PCDHGB3: variants seen among roughly 807,000 people sequenced by gnomAD.
The protein encoded by PCDHGB3 is protocadherin gamma subfamily B, 3, also known as protocadherin gamma-B3.
Under a neutral mutation model 59.2 loss-of-function variants are expected in PCDHGB3, and 40 were observed. The observed-to-expected ratio is 0.68, with a 90% CI of 0.52 to 0.88. PCDHGB3 has a LOEUF of 0.88. Ranked by LOEUF, PCDHGB3 falls within the 40% of genes least tolerant of loss-of-function variation. The pLI, the probability that PCDHGB3 is intolerant of heterozygous loss-of-function variation, is 0.00. For synonymous variants in PCDHGB3, 581 were observed against 503.6 expected, an observed-to-expected ratio of 1.15 and a Z score of -2.06; for missense variants, 1,309 against 1,187.9, an observed-to-expected ratio of 1.10 and a Z score of -1.50.
chr5:141,374,065 AG>A, intron 1 of PCDHGB3: 1 of 1,497,724 alleles, frequency 6.7e-7, no homozygotes, highest in Non-Finnish European at 8.9e-7. Context: ...ATCCCAGAGA[AG>A]TTCCTAATAA....
Position 141,376,335 on chromosome 5 carries a change from A to G in PCDHGB3, c.2415+3526A>G, listed in dbSNP as rs754863044. On this transcript the variant is annotated intron_variant, in intron 1 of 3. Coordinates refer to ENST00000576222, the MANE Select transcript of PCDHGB3 (RefSeq NM_018924.5). ...GTGGAAGGGGTTCGGGCTTTCCTGCAGACCTATTCCCACGAGGTCTCACTC... is the reference window on the plus strand; with the variant it reads ...GTGGAAGGGGTTCGGGCTTTCCTGCGGACCTATTCCCACGAGGTCTCACTC... 9 of 1,614,080 alleles carry G rather than the reference A, an allele frequency of 5.6e-6. No individual in the cohort carries two copies. The East Asian group carries it at 6.7e-5, about 12-fold the overall frequency.
At chr5:141,468,402 T>A (rs2154569909) in intron 1 of PCDHGB3, 1 of 150,014 alleles carries the variant, frequency 6.7e-6, no homozygotes, top group East Asian at 2.0e-4. Context: ...TGGTGAGAAC[T>A]AATAATAAGT....
Position 141,487,623 on chromosome 5 carries a change from CT to C in PCDHGB3, c.2416-7181del. 1 of 1,614,206 alleles carries C rather than the reference CT, an allele frequency of 6.2e-7. No homozygotes were observed. Among genetic ancestry groups the C allele is most frequent in the Non-Finnish European group, 8.5e-7 (1 of 1,180,044 alleles). On this transcript the variant is annotated intron_variant, in intron 1 of 3. Transcript: ENST00000576222. This position sits in a 1 kb window ranked among gnomAD's most constrained non-coding sequence, Gnocchi z 5.0. ...CTTCTCTATGGGCTAGAGGTGAGAC[CT>C]TTGCAGGCTCAACAAATGCTTGAGG...
intron 1 of PCDHGB3, chr5:141,400,435 A>G (rs2094019562): frequency 6.2e-7 from 1 of 1,614,078 alleles, no homozygotes. Flanking sequence ...TGAGCAATTG[A>G]GTTCAGGACA....
chr5:141,491,080 A>T lies in PCDHGB3; in HGVS notation c.2416-3727A>T. On this transcript the variant is annotated intron_variant, in intron 1 of 3. Transcript: ENST00000576222. This position sits in a 1 kb window ranked among gnomAD's most constrained non-coding sequence, Gnocchi z 6.9. ...CTCCTACTCACTGTTGCCACAGTCC[A>T]CAGCCCCAGGACTGTTCCTCGTGTC... The T allele has an allele frequency of 6.2e-7, 1 of 1,614,116 alleles. No individual in the cohort carries two copies. Among genetic ancestry groups the T allele is most frequent in the Non-Finnish European group, 8.5e-7 (1 of 1,179,994 alleles).
chr5:141,511,361 G>C lies in PCDHGB3; in HGVS notation c.*188G>C, dbSNP rs2099883750. 7.4e-7 allele frequency: 1 copy of C among 1,345,388 alleles called. No individual in the cohort carries two copies. Among genetic ancestry groups the C allele is most frequent in the Non-Finnish European group, 9.9e-7 (1 of 1,006,550 alleles). The allele number at this position is 1,345,388 out of a possible 1,614,324, so 83.3% of individuals were successfully genotyped here. On this transcript the variant is annotated 3_prime_UTR_variant, in exon 4 of 4. Transcript: ENST00000576222. ...CCTACCCCTTCCCCCCCAGGGGGTTGAATATGCAAAAGCAGTTCCGCTGGG... is the reference window on the plus strand; with the variant it reads ...CCTACCCCTTCCCCCCCAGGGGGTTCAATATGCAAAAGCAGTTCCGCTGGG...
chr5:141,430,315 T>C (rs185896854), intron 1 of PCDHGB3, among the ~76,000 whole-genome samples: 58 of 151,980 alleles, frequency 3.8e-4, no homozygotes, highest in African/African-American at 1.3e-3. Context: ...CATTATAAGA[T>C]TAAAATCATT....
intron 1 of PCDHGB3, chr5:141,374,262 C>T (rs369097101): frequency 6.2e-7 from 1 of 1,613,942 alleles, no homozygotes; most frequent in Non-Finnish European, 8.5e-7. Flanking sequence ...CAGGAGTTGG[C>T]GGAGCACGGA....
At chr5:141,464,228 G>A (rs1196103285) in intron 1 of PCDHGB3, among the ~76,000 whole-genome samples, 1 of 148,156 alleles carries the variant, frequency 6.7e-6, no homozygotes, top group African/African-American at 2.5e-5. Context: ...TTGCGCCACT[G>A]CACTCCAGCC....
intron 1 of PCDHGB3, chr5:141,409,850 G>T (rs1301108879): frequency 6.2e-7 from 1 of 1,612,142 alleles, no homozygotes; most frequent in South Asian, 1.1e-5. Context: ...GAGCCTGCGC[G>T]TGTTGGTGGG....
intron 1 of PCDHGB3, chr5:141,419,440 C>T (rs368129873): frequency 1.9e-6 from 3 of 1,613,034 alleles, no homozygotes; most frequent in African/African-American, 2.7e-5. Context: ...AGCTGCGCAC[C>T]TTCGAGCTCA....
At position 141,477,577 on chromosome 5, in the gene PCDHGB3, G is replaced by T; in HGVS notation, c.2416-17230G>T. Reference sequence around the variant, plus strand: ...TAAGTGTCTGGGACCCCGACGCCCCGCAGAATGCTCGGCTTTCTTTCTTTC... The same window carrying T: ...TAAGTGTCTGGGACCCCGACGCCCCTCAGAATGCTCGGCTTTCTTTCTTTC... On this transcript the variant is annotated intron_variant, in intron 1 of 3. Transcript: ENST00000576222. The surrounding 1 kb of genome is among the most constrained non-coding windows in gnomAD (Gnocchi z 4.9). 1.2e-6 allele frequency: 2 copies of T among 1,614,124 alleles called. No homozygotes were observed. Among genetic ancestry groups the T allele is most frequent in the Non-Finnish European group, 1.7e-6 (2 of 1,180,020 alleles).
intron 1 of PCDHGB3, chr5:141,420,323 A>G (rs753373746): frequency 2.1e-6 from 3 of 1,410,102 alleles, no homozygotes; most frequent in East Asian, 2.4e-5. Flanking sequence ...CAATATGCCA[A>G]TATATTCCAA....
rs556099456 is a variant in PCDHGB3, at chr5:141,430,033, C to A, written c.2415+57224C>A. ...ACTTGGGTTCTTGTTAAGTGTGATT[C>A]TGATAATGTATACAATCACATATCA... On this transcript the variant is annotated intron_variant, in intron 1 of 3. Coordinates refer to ENST00000576222, the MANE Select transcript of PCDHGB3 (RefSeq NM_018924.5). 1.2e-4 allele frequency among the ~76,000 whole-genome samples: 18 copies of A among 152,184 alleles called. 1 individual carries two copies. In the South Asian group the frequency reaches 3.3e-3, roughly 28 times the overall value.
intron 1 of PCDHGB3, chr5:141,379,115 T>C (rs1775378962): frequency 6.6e-6 from 1 of 152,230 alleles, no homozygotes; most frequent in African/African-American, 2.4e-5. Context: ...ATTGAGAAGA[T>C]ACCTTGAAAA....
At chr5:141,399,933 C>T in intron 1 of PCDHGB3, 5 of 1,612,358 alleles carry the variant, frequency 3.1e-6, no homozygotes, top group Non-Finnish European at 1.7e-6. Context: ...GGCTGTCCTA[C>T]CACGTGCTGC....
chr5:141,422,296 A>C, intron 1 of PCDHGB3: 1 of 1,550,706 alleles, frequency 6.4e-7, no homozygotes, highest in South Asian at 1.3e-5. Context: ...TATTAATTCA[A>C]TTCTGGAAAA....
In PCDHGB3 at chr5:141,485,340, C is replaced by T. The variant is rs139641513; in HGVS notation, c.2416-9467C>T. ...GTCGCTCAAGATTTCCTGCTGGATA[C>T]GGACAGTCTGTCAGCTCGCAGGCTG... is the stretch of plus-strand genomic sequence containing the variant. On this transcript the variant is annotated intron_variant, in intron 1 of 3. Coordinates refer to ENST00000576222, the MANE Select transcript of PCDHGB3 (RefSeq NM_018924.5). This position sits in a 1 kb window ranked among gnomAD's most constrained non-coding sequence, Gnocchi z 5.7. 1.2e-6 allele frequency: 2 copies of T among 1,613,958 alleles called. No individual in the cohort carries two copies. Among genetic ancestry groups the T allele is most frequent in the East Asian group, 2.2e-5 (1 of 44,884 alleles).
At chr5:141,387,967 C>A in intron 1 of PCDHGB3, 1 of 1,489,224 alleles carries the variant, frequency 6.7e-7, no homozygotes, top group Non-Finnish European at 9.0e-7. Context: ...TTCTGCCCGG[C>A]GCTCTGTGAG....
Sources: gnomAD v4.1 joint callset for allele counts (sites outside exome capture counted in the v4.1 genomes callset) on GRCh38, gnomAD v4.1.1 for gene constraint, Gnocchi (gnomAD v3.1) non-coding constraint, MANE v1.5 for transcripts, NCBI Gene and HGNC (gene_info 2026-07-23, HGNC 2026-07-21) for gene names.